TLN2: variants seen among roughly 807,000 people sequenced by gnomAD.
TLN2 encodes talin-2.
In TLN2, 118 loss-of-function variants were observed where a neutral mutation model predicts 294.7. The ratio of observed to expected loss-of-function variants is 0.40; its 90% CI spans 0.34 to 0.47. The LOEUF (loss-of-function observed/expected upper bound fraction) is 0.47. Among genes scored for constraint, TLN2 ranks in the 20% least tolerant of loss-of-function variants. The pLI is 0.84. For missense variants in TLN2, 3,083 were observed against 3,282.2 expected (o/e 0.94, Z 1.48); for synonymous variants, 1,431 against 1,304.5 (o/e 1.10, Z -2.09).
chr15:62,453,183 G>C (rs1427156796), intron 1 of TLN2, among the ~76,000 whole-genome samples: 2 of 152,002 alleles, frequency 1.3e-5, no homozygotes, highest in Non-Finnish European at 2.9e-5. Flanking sequence ...AAGGGCATGC[G>C]GTTGGCTAGA....
At position 62,750,510 on chromosome 15, in the gene TLN2, T is replaced by C; in HGVS notation, c.4209+19T>C. On this transcript the variant is annotated intron_variant, in intron 34 of 58. Transcript: ENST00000636159. ...CTCCAAGGTAAGACTGCCTATGCCG[T>C]AAGTCAGAAGTTAGCATTGCTTGTC... The C allele has an allele frequency of 1.2e-6, 2 of 1,604,760 alleles. No homozygotes were observed. Among genetic ancestry groups the C allele is most frequent in the Middle Eastern group, 3.3e-4 (2 of 6,038 alleles).
At chr15:62,816,706 G>A (rs753983575) in intron 52 of TLN2, among the ~76,000 whole-genome samples, 3 of 152,168 alleles carry the variant, frequency 2.0e-5, no homozygotes, top group Non-Finnish European at 4.4e-5. Flanking sequence ...TTAATTATGA[G>A]TGTCCGCACC....
chr15:62,399,274 A>AAAAC, intron 1 of TLN2, among the ~76,000 whole-genome samples: 1 of 151,050 alleles, frequency 6.6e-6, no homozygotes, highest in African/African-American at 2.4e-5. Context: ...AAAAAAAAAA[A>AAAAC]AAAAAAAAAA....
rs927818255 is a variant in TLN2 at position 62,831,470 on chromosome 15, A to G, written c.7003-2034A>G. 4 of 151,786 alleles carry G rather than the reference A, an allele frequency of 2.6e-5. No homozygotes were observed. The East Asian group carries it at 7.7e-4, about 29-fold the overall frequency. 9.4% of individuals were successfully genotyped at this position (151,786 alleles called of 1,614,324 possible). On this transcript the variant is annotated intron_variant, in intron 54 of 58. Coordinates refer to ENST00000636159, the MANE Select transcript of TLN2 (RefSeq NM_015059.3). ...TAATCTCACGGTTATTAAAATATAC[A>G]TTATTTATATATTTAATATATATAA...
chr15:62,708,492 C>T lies in TLN2; in HGVS notation c.2173-10C>T. ...CACAGTGCCCAAAACCTGTTCCTGT[C>T]TCACTTCAGGTTGTGAGCCCCACTA... On this transcript the variant is annotated splice_polypyrimidine_tract_variant and intron_variant, in intron 20 of 58. Transcript: ENST00000636159. 1 of 1,609,712 alleles carries T rather than the reference C, an allele frequency of 6.2e-7. No individual in the cohort carries two copies.
intron 1 of TLN2, among the ~76,000 whole-genome samples, chr15:62,511,340 C>T (rs1055151793): frequency 3.3e-5 from 5 of 152,158 alleles, no homozygotes; most frequent in African/African-American, 1.2e-4. Flanking sequence ...AAATTCAACA[C>T]CTGTCCTCAA....
chr15:62,750,658 C>G (rs1032261779), intron 34 of TLN2, among the ~76,000 whole-genome samples, 167 bp downstream of exon 34: 2 of 152,168 alleles, frequency 1.3e-5, no homozygotes, highest in South Asian at 4.1e-4. Context: ...TCAAACTTGA[C>G]GGTGCATCAG....
At chr15:62,703,793 G>T (rs1425972225) in intron 19 of TLN2, among the ~76,000 whole-genome samples, 2 of 152,050 alleles carry the variant, frequency 1.3e-5, no homozygotes, top group African/African-American at 4.8e-5. Flanking sequence ...GCCCTCTGGG[G>T]AGCGACTGTC....
At chr15:62,662,688 T>A (rs2053995688) in intron 9 of TLN2, among the ~76,000 whole-genome samples, 1 of 152,108 alleles carries the variant, frequency 6.6e-6, no homozygotes, top group Non-Finnish European at 1.5e-5. Context: ...CTCATGGAAC[T>A]TAAATTCTAG....
At chr15:62,555,545 AC>A (rs1484519606) in intron 1 of TLN2, among the ~76,000 whole-genome samples, 6 of 152,232 alleles carry the variant, frequency 3.9e-5, no homozygotes, top group African/African-American at 9.6e-5. Flanking sequence ...CGTTTGCCAC[AC>A]CTGTGAACTT....
intron 1 of TLN2, among the ~76,000 whole-genome samples, chr15:62,450,535 ATGTATGTATGTATGTGTGTG>A (rs1213791378): frequency 1.7e-5 from 1 of 57,230 alleles, no homozygotes; most frequent in African/African-American, 5.1e-5. Context: ...GTATGTATGT[ATGTATGTATGTATGTGTGTG>A]TGTGTGTGTG....
intron 1 of TLN2, among the ~76,000 whole-genome samples, chr15:62,540,785 A>G (rs936993936): frequency 6.6e-6 from 1 of 152,178 alleles, no homozygotes; most frequent in South Asian, 2.1e-4. Flanking sequence ...GTCAGGATGC[A>G]TGATCCGGGT....
At chr15:62,438,095 A>G (rs1429722886) in intron 1 of TLN2, among the ~76,000 whole-genome samples, 9 of 152,170 alleles carry the variant, frequency 5.9e-5, no homozygotes, top group Non-Finnish European at 1.2e-4. Context: ...CAGCATTTAG[A>G]GAACCATTAC....
intron 19 of TLN2, among the ~76,000 whole-genome samples, chr15:62,703,880 C>T (rs1313135820): frequency 6.6e-6 from 1 of 152,144 alleles, no homozygotes; most frequent in African/African-American, 2.4e-5. Flanking sequence ...CATCCCTGTC[C>T]CTCAAAGGGT....
intron 3 of TLN2, among the ~76,000 whole-genome samples, chr15:62,618,977 C>T (rs987643147): frequency 3.9e-5 from 6 of 152,164 alleles, no homozygotes; most frequent in African/African-American, 1.4e-4. Flanking sequence ...TTCATTTTTG[C>T]AGAATAAGCT....
chr15:62,771,157 C>G (rs754495288), intron 42 of TLN2, 23 bp downstream of exon 42: 1 of 1,590,424 alleles, frequency 6.3e-7, no homozygotes, highest in Admixed American at 1.7e-5. Context: ...ATATCGGGGA[C>G]TCACTTAGGA....
intron 54 of TLN2, among the ~76,000 whole-genome samples, chr15:62,825,427 A>C (rs936028738): frequency 6.6e-6 from 1 of 152,046 alleles, no homozygotes; most frequent in African/African-American, 2.4e-5. Flanking sequence ...GTAGTGATTA[A>C]TATGGTGAAG....
intron 9 of TLN2, among the ~76,000 whole-genome samples, chr15:62,659,705 T>C (rs1213600350): frequency 1.3e-5 from 2 of 152,232 alleles, no homozygotes; most frequent in Non-Finnish European, 1.5e-5. Context: ...TGTACCCTTA[T>C]TCAGATTCCA....
At chr15:62,488,130 T>C (rs770937866) in intron 1 of TLN2, among the ~76,000 whole-genome samples, 17 of 152,158 alleles carry the variant, frequency 1.1e-4, no homozygotes, top group Non-Finnish European at 1.6e-4. Context: ...TGGTCACATG[T>C]AATCCACTTT....
Sources: allele counts gnomAD v4.1 joint callset (sites outside exome capture counted in the v4.1 genomes callset), GRCh38; gene constraint gnomAD v4.1.1; transcripts MANE v1.5; gene names NCBI Gene and HGNC (gene_info 2026-07-23, HGNC 2026-07-21).